GRIP2: variants seen among roughly 807,000 people sequenced by gnomAD.
The protein encoded by GRIP2 is glutamate receptor interacting protein 2.
GRIP2 carries 58 observed loss-of-function variants against 108.3 expected under a neutral mutation model. The observed-to-expected ratio is 0.54, with a 90% CI of 0.43 to 0.67. The LOEUF is 0.67. GRIP2 is among the 30% of genes least tolerant of loss of function. The pLI is 0.00. For missense variants in GRIP2, 1,278 were observed against 1,430.6 expected, an observed-to-expected ratio of 0.89 and a Z score of 1.72; for synonymous variants, 586 against 598.2, an observed-to-expected ratio of 0.98 and a Z score of 0.30.
At chr3:14,581,097 TAGAC>T in the GRIP2 span, among the ~76,000 whole-genome samples, 8 of 152,204 alleles carry the variant, frequency 5.3e-5, no homozygotes, top group South Asian at 1.5e-3. Flanking sequence ...GGATAGATGA[TAGAC>T]AGATGGATGG....
the GRIP2 span, among the ~76,000 whole-genome samples, chr3:14,565,145 C>T: frequency 2.6e-5 from 4 of 152,182 alleles, no homozygotes; most frequent in South Asian, 4.1e-4. Context: ...TCCCGCTCTT[C>T]CCTGGGCACC....
chr3:14,517,289 C>T, intron 10 of GRIP2, 76 bp from the exon 11 acceptor site: 1 of 1,413,098 alleles, frequency 7.1e-7, no homozygotes, highest in South Asian at 1.6e-5. Context: ...TGCTGGGAAG[C>T]CACCCAACCA....
chr3:14,573,210 T>C, the GRIP2 span: 2 of 1,409,538 alleles, frequency 1.4e-6, no homozygotes, highest in East Asian at 2.3e-5. Context: ...CTGCCAGCTC[T>C]GGAAGAGCTC....
chr3:14,556,210 G>A, upstream of GRIP2: 1 of 384,336 alleles, frequency 2.6e-6, no homozygotes, highest in Non-Finnish European at 4.6e-6. Context: ...AGCCTCTGCA[G>A]CAAACCTCCA....
chr3:14,593,916 C>T, the GRIP2 span, among the ~76,000 whole-genome samples: 16 of 152,240 alleles, frequency 1.1e-4, no homozygotes, highest in Non-Finnish European at 1.8e-4. Context: ...AGTGAAAGCT[C>T]ATCCAAGCTC....
upstream of GRIP2, among the ~76,000 whole-genome samples, chr3:14,540,905 G>C (rs1351221976): frequency 6.6e-6 from 1 of 152,180 alleles, no homozygotes; most frequent in Non-Finnish European, 1.5e-5. The surrounding 1 kb of genome is among the most constrained non-coding windows in gnomAD (Gnocchi z 4.1). Flanking sequence ...TTTTCCCTCG[G>C]TAAAATGGGA....
intron 1 of GRIP2, among the ~76,000 whole-genome samples, chr3:14,527,263 AAG>A (rs1694582287): frequency 1.3e-5 from 2 of 151,874 alleles, no homozygotes; most frequent in Non-Finnish European, 2.9e-5. Flanking sequence ...AAGGGAAGGG[AAG>A]GGAAGGTATT....
the GRIP2 span, among the ~76,000 whole-genome samples, chr3:14,587,274 T>G: frequency 6.6e-6 from 1 of 152,176 alleles, no homozygotes; most frequent in African/African-American, 2.4e-5. Context: ...ACAAACATCT[T>G]ATGTGGTTTT....
At chr3:14,580,420 A>G in the GRIP2 span, among the ~76,000 whole-genome samples, 1 of 152,194 alleles carries the variant, frequency 6.6e-6, no homozygotes, top group Non-Finnish European at 1.5e-5. Flanking sequence ...GCTGGGCTGG[A>G]CGCAATGGTG....
intron 23 of GRIP2, 88 bp downstream of exon 23, chr3:14,494,755 T>G: frequency 1.4e-6 from 2 of 1,458,964 alleles, no homozygotes; most frequent in Non-Finnish European, 1.8e-6. Flanking sequence ...TCCTGCCCTC[T>G]TCACAGGCGA....
intron 1 of GRIP2, among the ~76,000 whole-genome samples, chr3:14,553,396 C>T (rs1298946835): frequency 2.6e-5 from 4 of 152,106 alleles, no homozygotes; most frequent in Non-Finnish European, 5.9e-5. Context: ...CAGGCATAAG[C>T]CACCGTGCCT....
In GRIP2 at chr3:14,529,074, T is replaced by A. The variant is rs145023389; in HGVS notation, c.41-3143A>T. 5.7e-3 allele frequency among the ~76,000 whole-genome samples: 847 copies of A among 149,584 alleles called. 10 individuals are homozygous for A. The highest frequency in any genetic ancestry group is 0.02 in the African/African-American group (822 of 40,502). ...TCATGAGGTCAGGAGATCAAAACCA[T>A]CCTGGCTAACACAGTGAAACCCTAT... On this transcript the variant is annotated intron_variant, in intron 1 of 23. Transcript: ENST00000621039.
chr3:14,553,298 G>A (rs1330173940), intron 1 of GRIP2, among the ~76,000 whole-genome samples: 1 of 151,554 alleles, frequency 6.6e-6, no homozygotes, highest in Admixed American at 6.6e-5. Flanking sequence ...TAGTACAGAT[G>A]GGGTTTCACT....
Position 14,521,642 on chromosome 3 carries a change from CA to C in GRIP2, c.711del (p.Asp238ThrfsTer10). On this transcript the variant is annotated frameshift_variant and splice_region_variant, in exon 7 of 24. Transcript: ENST00000621039. LOFTEE classifies it high-confidence loss of function. The surrounding 1 kb of genome is among the most constrained non-coding windows in gnomAD (Gnocchi z 5.1). ...CCACACACTCAGGCCCCCAACTCAC[CA>C]GGGGTGGCCACATCATACTCCACCT... The part of the protein sequence containing the change: ...LFQVEYDVAT[P>X]DTVANASGPL... 1 of 1,606,000 alleles carries C rather than the reference CA, an allele frequency of 6.2e-7. No homozygotes were observed. The highest frequency in any genetic ancestry group is 8.5e-7 in the Non-Finnish European group (1 of 1,175,664).
upstream of GRIP2, among the ~76,000 whole-genome samples, chr3:14,560,886 G>A (rs1220042672): frequency 6.6e-6 from 1 of 152,218 alleles, no homozygotes; most frequent in Non-Finnish European, 1.5e-5. Flanking sequence ...CGCAGCAAGG[G>A]CTCAGTGAAT....
At chr3:14,589,184 C>G in the GRIP2 span, among the ~76,000 whole-genome samples, 1 of 151,526 alleles carries the variant, frequency 6.6e-6, no homozygotes, top group Non-Finnish European at 1.5e-5. Context: ...AACGGGTGCA[C>G]TGGGGACGTC....
Position 14,507,085 on chromosome 3 carries a change from C to T in GRIP2, c.2219-105G>A. The T allele has an allele frequency of 9.2e-7, 1 of 1,090,308 alleles. No individual in the cohort carries two copies. The highest frequency in any genetic ancestry group is 1.3e-6 in the Non-Finnish European group (1 of 758,168). 67.5% of individuals were successfully genotyped at this position (1,090,308 alleles called of 1,614,324 possible). On this transcript the variant is annotated intron_variant, in intron 18 of 23. Coordinates refer to ENST00000621039, the MANE Select transcript of GRIP2 (RefSeq NM_001080423.4). This position sits in a 1 kb window ranked among gnomAD's most constrained non-coding sequence, Gnocchi z 4.6. The stretch of plus-strand genomic sequence containing the variant: ...GGAAACTCACAGGCAGTAAGCCCTT[C>T]TGAGCTGACATATGACCATGGCACA...
intron 1 of GRIP2, among the ~76,000 whole-genome samples, chr3:14,532,133 C>T (rs1015592845): frequency 6.6e-6 from 1 of 152,212 alleles, no homozygotes; most frequent in African/African-American, 2.4e-5. Flanking sequence ...CGCTCTCCTC[C>T]CCAACCTCAC....
intron 21 of GRIP2, among the ~76,000 whole-genome samples, chr3:14,502,493 C>CA (rs10641106): frequency 0.073 from 9,262 of 126,546 alleles, 346 homozygotes; most frequent in South Asian, 0.13. Flanking sequence ...GACTCTGTCT[C>CA]AAAAAAAAAA....
Sources: allele counts gnomAD v4.1 joint callset (sites outside exome capture counted in the v4.1 genomes callset), GRCh38; gene constraint gnomAD v4.1.1; non-coding constraint Gnocchi (gnomAD v3.1); transcripts MANE v1.5; gene names NCBI Gene and HGNC (gene_info 2026-07-23, HGNC 2026-07-21).